The following CPSF4L variants were observed in gnomAD, a reference collection of about 807,000 sequenced individuals.
The protein encoded by CPSF4L is putative cleavage and polyadenylation specificity factor subunit 4-like protein.
CPSF4L carries 18 observed loss-of-function variants against 24.0 expected under a neutral mutation model. That is an observed-to-expected ratio of 0.75 (90% CI 0.52 to 1.11). The LOEUF (loss-of-function observed/expected upper bound fraction) is 1.11, where lower values mean the gene tolerates loss of function less well. Among genes scored for constraint, CPSF4L ranks in the 50% least tolerant of loss-of-function variants. The pLI, the probability that CPSF4L is intolerant of heterozygous loss-of-function variation, is 0.00. For synonymous variants in CPSF4L, 72 were observed against 77.2 expected, an observed-to-expected ratio of 0.93 and a Z score of 0.35; for missense variants, 211 against 221.8, an observed-to-expected ratio of 0.95 and a Z score of 0.31.
the CPSF4L span, chr17:73,243,077 ATTT>A: frequency 0.013 from 5,768 of 431,612 alleles, no homozygotes; most frequent in Middle Eastern, 0.018. Flanking sequence ...GATTCTCTGA[ATTT>A]TTTTTTTTTT....
intron 5 of CPSF4L, among the ~76,000 whole-genome samples, chr17:73,249,590 C>T (rs1357635105): frequency 6.6e-6 from 1 of 152,152 alleles, no homozygotes; most frequent in Non-Finnish European, 1.5e-5. Context: ...CCAGTTCTTC[C>T]TCACACATCC....
chr17:73,250,430 C>A, intron 5 of CPSF4L: 2 of 1,267,902 alleles, frequency 1.6e-6, no homozygotes, highest in Non-Finnish European at 2.2e-6. Context: ...GTTGGTGAAG[C>A]TTATTTCAGG....
the CPSF4L span, chr17:73,242,302 T>TA: frequency 6.2e-7 from 1 of 1,606,506 alleles, no homozygotes; most frequent in Non-Finnish European, 8.5e-7. Flanking sequence ...CTGCCGGACT[T>TA]ACAACCTCCA....
intron 5 of CPSF4L, among the ~76,000 whole-genome samples, chr17:73,251,674 A>AAATAT (rs1327058300): frequency 4.6e-5 from 7 of 152,210 alleles, no homozygotes; most frequent in Non-Finnish European, 1.0e-4. Context: ...ACATGTCACA[A>AAATAT]AATATTTTGA....
At chr17:73,257,864 C>T (rs1177578529) in intron 2 of CPSF4L, 31 bp from the exon 3 acceptor site, 3 of 1,548,996 alleles carry the variant, frequency 1.9e-6, no homozygotes, top group Non-Finnish European at 2.6e-6. Context: ...GGCTGGGAGG[C>T]CCCTCATCCA....
chr17:73,261,076 C>A (rs890630175), intron 1 of CPSF4L, 93 bp from the exon 2 acceptor site: 3 of 1,040,204 alleles, frequency 2.9e-6, no homozygotes, highest in African/African-American at 3.2e-5. Flanking sequence ...CCCACCTAGA[C>A]CTCCCCCAGG....
the CPSF4L span, chr17:73,242,922 A>G: frequency 6.2e-7 from 1 of 1,613,928 alleles, no homozygotes; most frequent in Non-Finnish European, 8.5e-7. Flanking sequence ...CACCACCATA[A>G]GGAAGAGTGG....
chr17:73,261,705 C>A lies in CPSF4L; in HGVS notation c.103+11G>T, dbSNP rs952709692. The A allele has an allele frequency of 7.2e-6, 11 of 1,526,030 alleles. No homozygotes were observed. The highest frequency in any genetic ancestry group is 8.0e-6 in the Non-Finnish European group (9 of 1,123,678). The allele number at this position is 1,526,030 out of a possible 1,614,324, so 94.5% of individuals were successfully genotyped here. A position where few individuals can be genotyped will look rare whatever the true frequency, so the allele number is the denominator to read the frequency against. On this transcript the variant is annotated intron_variant, in intron 1 of 5. Transcript: ENST00000344935. Reference sequence around the variant, plus strand: ...AGGTAGGGGAGGGAAAGTGGCCCCACCCTCACTCACTGTCCATGCCCTGGA... The same window carrying A: ...AGGTAGGGGAGGGAAAGTGGCCCCAACCTCACTCACTGTCCATGCCCTGGA...
At position 73,252,617 on chromosome 17, in the gene CPSF4L, G is replaced by C. The variant is rs1006058728; in HGVS notation, c.497+13C>G. The C allele has an allele frequency of 4.0e-6, 6 of 1,504,572 alleles. No individual in the cohort carries two copies. The African/African-American group carries it at 8.3e-5, about 21-fold the overall frequency. 93.2% of individuals were successfully genotyped at this position (1,504,572 alleles called of 1,614,324 possible). ...ACTCTGGTGGGAGTTGGTAACTGAG[G>C]GATCATACTTACTGAGCAAATTGGC... On this transcript the variant is annotated intron_variant, in intron 5 of 5. Coordinates refer to ENST00000344935, the MANE Select transcript of CPSF4L (RefSeq NM_001129885.1).
At chr17:73,256,617 GCT>G (rs1240817814) in intron 3 of CPSF4L, among the ~76,000 whole-genome samples, 2 of 152,228 alleles carry the variant, frequency 1.3e-5, no homozygotes, top group East Asian at 3.8e-4. Flanking sequence ...GCTCCGAAAA[GCT>G]CTGAGCTGTA....
At chr17:73,258,826 G>A (rs2062033746) in intron 2 of CPSF4L, among the ~76,000 whole-genome samples, 1 of 152,208 alleles carries the variant, frequency 6.6e-6, no homozygotes, top group Non-Finnish European at 1.5e-5. Context: ...CTGGCACATA[G>A]TAAGTGCTCA....
At chr17:73,261,463 C>T (rs912456465) in intron 1 of CPSF4L, among the ~76,000 whole-genome samples, 3 of 152,318 alleles carry the variant, frequency 2.0e-5, no homozygotes, top group South Asian at 4.1e-4. Context: ...AGATTGAGAC[C>T]ATCCTGGCTA....
chr17:73,243,869 G>T (rs181175631), downstream of CPSF4L, among the ~76,000 whole-genome samples: 278 of 152,182 alleles, frequency 1.8e-3, 1 homozygote, highest in African/African-American at 6.5e-3. Flanking sequence ...AAAAGGTCAG[G>T]TACCTAAGAA....
chr17:73,261,038 C>G, intron 1 of CPSF4L, 55 bp from the exon 2 acceptor site: 1 of 1,424,206 alleles, frequency 7.0e-7, no homozygotes, highest in East Asian at 2.5e-5. Flanking sequence ...TGCAGCTGTT[C>G]CGGAAGCCTC....
Position 73,250,946 on chromosome 17 carries a change from C to T in CPSF4L, c.497+1684G>A, listed in dbSNP as rs146296546. 2.4e-5 allele frequency: 36 copies of T among 1,494,416 alleles called. No individual in the cohort carries two copies. The Middle Eastern group carries it at 7.0e-4, about 29-fold the overall frequency. 92.6% of individuals were successfully genotyped at this position (1,494,416 alleles called of 1,614,324 possible). A position where few individuals can be genotyped will look rare whatever the true frequency, so the allele number is the denominator to read the frequency against. On this transcript the variant is annotated intron_variant, in intron 5 of 5. Transcript: ENST00000344935. ...CTCCCAGCTCTCAGCCAAGCACTAG[C>T]CCAGCCCTGTGGGTTCCTTTGTCCA...
chr17:73,245,064 TA>T, downstream of CPSF4L: 1 of 1,120,676 alleles, frequency 8.9e-7, no homozygotes, highest in Non-Finnish European at 1.3e-6. Flanking sequence ...ACTCTATTTC[TA>T]AACTTATAAA....
chr17:73,254,875 C>T (rs1599412770), intron 3 of CPSF4L, among the ~76,000 whole-genome samples: 1 of 152,268 alleles, frequency 6.6e-6, no homozygotes, highest in Middle Eastern at 3.4e-3. Context: ...AACTCCTGAC[C>T]TCGTGATCCG....
Position 73,248,471 on chromosome 17 carries a change from C to T in CPSF4L, c.*23G>A, listed in dbSNP as rs942248683. 3.9e-6 allele frequency: 6 copies of T among 1,550,920 alleles called. No homozygotes were observed. Among genetic ancestry groups the T allele is most frequent in the African/African-American group, 2.7e-5 (2 of 73,012 alleles). ...CTGCCCTGTCTGTGGCATTGGAGTGCCCCGCTAGGTAAGAAGCAACGCTTA... is the reference window on the plus strand; with the variant it reads ...CTGCCCTGTCTGTGGCATTGGAGTGTCCCGCTAGGTAAGAAGCAACGCTTA... On this transcript the variant is annotated 3_prime_UTR_variant, in exon 6 of 6. Coordinates refer to ENST00000344935, the MANE Select transcript of CPSF4L (RefSeq NM_001129885.1).
intron 3 of CPSF4L, among the ~76,000 whole-genome samples, chr17:73,254,521 G>C (rs1265701002): frequency 6.6e-6 from 1 of 152,320 alleles, no homozygotes; most frequent in East Asian, 1.9e-4. Context: ...ACATTCTACA[G>C]AGTGGGCACC....
Sources: gnomAD v4.1 joint callset for allele counts (sites outside exome capture counted in the v4.1 genomes callset) on GRCh38, gnomAD v4.1.1 for gene constraint, MANE v1.5 for transcripts, NCBI Gene and HGNC (gene_info 2026-07-23, HGNC 2026-07-21) for gene names.